Variants in XKR9 observed in about 807,000 individuals in gnomAD.
XKR9 encodes XK-related protein 9.
Under a neutral mutation model 32.0 loss-of-function variants are expected in XKR9, and 32 were observed. The ratio of observed to expected loss-of-function variants is 1.00; its 90% CI spans 0.76 to 1.34. XKR9 has a LOEUF of 1.34. XKR9 is among the 40% of genes most tolerant of loss of function. The probability of loss-of-function intolerance (pLI) is 0.00; values close to 1 mark genes in which losing one functional copy is unlikely to be tolerated. For synonymous variants in XKR9, 168 were observed against 143.4 expected (o/e 1.17, Z -1.22); for missense variants, 546 against 429.7 (o/e 1.27, Z -2.39).
At chr8:70,704,602 G>A (rs911390048) in intron 3 of XKR9, among the ~76,000 whole-genome samples, 2 of 152,174 alleles carry the variant, frequency 1.3e-5, no homozygotes, top group Non-Finnish European at 2.9e-5. Flanking sequence ...CGGCATTCTG[G>A]CATTATTAGA....
At chr8:70,986,602 A>G in the XKR9 span, among the ~76,000 whole-genome samples, 1 of 152,324 alleles carries the variant, frequency 6.6e-6, no homozygotes, top group African/African-American at 2.4e-5. Context: ...CTGAAAGGGG[A>G]CAGAGACAGA....
chr8:70,948,501 G>A, the XKR9 span, among the ~76,000 whole-genome samples: 4 of 151,624 alleles, frequency 2.6e-5, no homozygotes, highest in Non-Finnish European at 4.4e-5. Context: ...TGACCACCCA[G>A]TTTTGTGAGA....
At chr8:70,695,128 C>CTT (rs149186256) in intron 3 of XKR9, among the ~76,000 whole-genome samples, 1 of 125,268 alleles carries the variant, frequency 8.0e-6, no homozygotes, top group African/African-American at 3.2e-5. Flanking sequence ...CCTTGTTTTT[C>CTT]TTTTTTTTTT....
At chr8:70,704,669 A>T (rs1025061672) in intron 3 of XKR9, among the ~76,000 whole-genome samples, 2 of 152,144 alleles carry the variant, frequency 1.3e-5, no homozygotes, top group African/African-American at 4.8e-5. Flanking sequence ...GCTGTGTGTA[A>T]TAATTATGCT....
the XKR9 span, among the ~76,000 whole-genome samples, chr8:71,044,330 C>T: frequency 4.6e-5 from 7 of 152,114 alleles, no homozygotes; most frequent in East Asian, 3.9e-4. Context: ...TGCGATCGCT[C>T]AGTTGTGTGC....
chr8:70,844,418 C>A, the XKR9 span, among the ~76,000 whole-genome samples: 2 of 152,194 alleles, frequency 1.3e-5, no homozygotes, highest in Non-Finnish European at 2.9e-5. Context: ...TGTGTGGCTG[C>A]AGTCACTGGC....
At chr8:70,940,851 C>T in the XKR9 span, among the ~76,000 whole-genome samples, 1 of 152,076 alleles carries the variant, frequency 6.6e-6, no homozygotes. Flanking sequence ...CCTTTCAGGT[C>T]TTGGCTTAGA....
the XKR9 span, among the ~76,000 whole-genome samples, chr8:70,834,401 G>A: frequency 2.0e-5 from 3 of 151,944 alleles, no homozygotes; most frequent in Non-Finnish European, 4.4e-5. Context: ...ATTCATATTA[G>A]CTTTTAAATA....
the XKR9 span, among the ~76,000 whole-genome samples, chr8:71,022,426 A>G: frequency 6.6e-6 from 1 of 152,098 alleles, no homozygotes; most frequent in African/African-American, 2.4e-5. Context: ...GTTTTTTTTC[A>G]GAATTTTAAA....
chr8:70,931,753 GA>G, the XKR9 span, among the ~76,000 whole-genome samples: 4 of 152,208 alleles, frequency 2.6e-5, no homozygotes, highest in Non-Finnish European at 4.4e-5. Context: ...TGGTGTGAGA[GA>G]AAGCAAGAGA....
chr8:71,064,137 G>C, the XKR9 span, among the ~76,000 whole-genome samples: 1 of 152,030 alleles, frequency 6.6e-6, no homozygotes, highest in Admixed American at 6.6e-5. Flanking sequence ...AGAGATAAAA[G>C]TATAGAGATG....
intron 2 of XKR9, among the ~76,000 whole-genome samples, chr8:70,783,125 A>G (rs1307179609): frequency 6.6e-6 from 1 of 152,182 alleles, no homozygotes; most frequent in Non-Finnish European, 1.5e-5. Flanking sequence ...AGTCATTCTA[A>G]CAGGTGTGAA....
At chr8:70,975,825 C>T in the XKR9 span, among the ~76,000 whole-genome samples, 1 of 152,004 alleles carries the variant, frequency 6.6e-6, no homozygotes, top group Non-Finnish European at 1.5e-5. Context: ...CTATAAATTA[C>T]CTTGGGCAGT....
chr8:70,789,877 A>C (rs1001753617), intron 3 of XKR9, among the ~76,000 whole-genome samples: 5 of 152,022 alleles, frequency 3.3e-5, no homozygotes, highest in Admixed American at 3.3e-4. Flanking sequence ...AGGCAATGCC[A>C]ATGCCAATCA....
At chr8:70,838,415 G>A in the XKR9 span, among the ~76,000 whole-genome samples, 1 of 152,060 alleles carries the variant, frequency 6.6e-6, no homozygotes, top group South Asian at 2.1e-4. Context: ...CAATGAAACA[G>A]GCTGCAGAAG....
At chr8:70,679,325 C>CATAA in intron 2 of XKR9, among the ~76,000 whole-genome samples, 1 of 152,068 alleles carries the variant, frequency 6.6e-6, no homozygotes, top group South Asian at 2.1e-4. Flanking sequence ...TTTACTGGGC[C>CATAA]CTAACTGTGT....
intron 2 of XKR9, among the ~76,000 whole-genome samples, chr8:70,760,482 G>C (rs1807292476): frequency 6.6e-6 from 1 of 151,950 alleles, no homozygotes; most frequent in African/African-American, 2.4e-5. Flanking sequence ...CTTTTTTATT[G>C]GGGTAAAATA....
At chr8:70,828,822 C>T in the XKR9 span, among the ~76,000 whole-genome samples, 4 of 151,454 alleles carry the variant, frequency 2.6e-5, no homozygotes, top group African/African-American at 4.9e-5. Flanking sequence ...TTATCCCAAA[C>T]TATATTATCC....
the XKR9 span, among the ~76,000 whole-genome samples, chr8:70,873,364 G>A: frequency 6.6e-6 from 1 of 152,158 alleles, no homozygotes; most frequent in African/African-American, 2.4e-5. Flanking sequence ...AGTAAGTCCT[G>A]TGATGGACCT....
Sources: allele counts gnomAD v4.1 joint callset (sites outside exome capture counted in the v4.1 genomes callset), GRCh38; gene constraint gnomAD v4.1.1; transcripts MANE v1.5; gene names NCBI Gene and HGNC (gene_info 2026-07-23, HGNC 2026-07-21).